The following PCDHGA1 variants were observed in gnomAD, a reference collection of about 807,000 sequenced individuals.
PCDHGA1 encodes the protein protocadherin gamma subfamily A, 1.
In PCDHGA1, 32 loss-of-function variants were observed where a neutral mutation model predicts 58.0. The observed-to-expected ratio is 0.55, with a 90% CI of 0.42 to 0.74. The LOEUF is 0.74. Among genes scored for constraint, PCDHGA1 ranks in the 30% least tolerant of loss-of-function variants. The pLI is 0.00. For missense variants in PCDHGA1, 1,205 were observed against 1,182.3 expected, an observed-to-expected ratio of 1.02 and a Z score of -0.28; for synonymous variants, 498 against 501.1, an observed-to-expected ratio of 0.99 and a Z score of 0.08.
At chr5:141,395,194 C>T (rs867640127) in intron 1 of PCDHGA1, 2 of 1,613,922 alleles carry the variant, frequency 1.2e-6, no homozygotes, top group Non-Finnish European at 1.7e-6. Context: ...TTGTTAACAT[C>T]CGTAGATTTT....
intron 1 of PCDHGA1, among the ~76,000 whole-genome samples, chr5:141,346,979 T>C (rs1295799375): frequency 1.3e-5 from 2 of 152,026 alleles, no homozygotes; most frequent in African/African-American, 4.8e-5. Context: ...CCAAGACAGG[T>C]GACACTCTTT....
chr5:141,496,083 C>T (rs1267834920), intron 2 of PCDHGA1, among the ~76,000 whole-genome samples: 8 of 151,904 alleles, frequency 5.3e-5, no homozygotes, highest in Admixed American at 3.3e-4. Flanking sequence ...CAACCCCCCA[C>T]CCACCACCCA....
intron 1 of PCDHGA1, among the ~76,000 whole-genome samples, chr5:141,386,853 G>C (rs932816835): frequency 2.0e-5 from 3 of 152,230 alleles, no homozygotes; most frequent in African/African-American, 4.8e-5. Context: ...ACTAAACTCA[G>C]TGAGCTATTG....
At chr5:141,396,792 A>G (rs2093435420) in intron 1 of PCDHGA1, among the ~76,000 whole-genome samples, 1 of 152,202 alleles carries the variant, frequency 6.6e-6, no homozygotes, top group Non-Finnish European at 1.5e-5. Flanking sequence ...GACATTTCCT[A>G]AGGATTGTGT....
chr5:141,391,780 T>C (rs1004185174), intron 1 of PCDHGA1: 1 of 152,220 alleles, frequency 6.6e-6, no homozygotes, highest in Non-Finnish European at 1.5e-5. Context: ...TAGTCATTAC[T>C]TTTTGCAGTT....
intron 1 of PCDHGA1, chr5:141,372,449 G>A (rs777753711): frequency 2.5e-6 from 4 of 1,614,064 alleles, no homozygotes; most frequent in African/African-American, 1.3e-5. Context: ...CTGACCCTCA[G>A]GCGGAGCTAC....
Position 141,331,307 on chromosome 5 carries a change from A to G in PCDHGA1, c.623A>G (p.His208Arg). Residue 208 changes from histidine to arginine, a missense_variant, in exon 1 of 4, where the codon CAC becomes CGC. Coordinates refer to ENST00000517417, the MANE Select transcript of PCDHGA1 (RefSeq NM_018912.3). ...TTAGACAGAGAAGAAGAAGCTGTCC[A>G]CCACCTCATCCTCACAGCTTCTGAT... The part of the protein sequence containing the change: ...SPLDREEEAV[H>R]HLILTASDGG... 1 of 1,614,144 alleles carries G rather than the reference A, an allele frequency of 6.2e-7. No homozygotes were observed. Among genetic ancestry groups the G allele is most frequent in the Non-Finnish European group, 8.5e-7 (1 of 1,180,038 alleles).
At chr5:141,347,137 CTCTTTCTTTCTTTCTTTCTTTCTT>C (rs70988799) in intron 1 of PCDHGA1, among the ~76,000 whole-genome samples, 10 of 113,744 alleles carry the variant, frequency 8.8e-5, no homozygotes, top group African/African-American at 2.7e-4. Context: ...CTCTGTTTCT[CTCTTTCTTTCTTTCTTTCTTTCTT>C]TCTTTCTTTC....
chr5:141,435,990 T>C (rs1175877769), intron 1 of PCDHGA1, among the ~76,000 whole-genome samples: 1 of 152,162 alleles, frequency 6.6e-6, no homozygotes, highest in Non-Finnish European at 1.5e-5. Flanking sequence ...TTGTGTGATT[T>C]TTTGAAAGAA....
chr5:141,511,713 C>T lies in PCDHGA1; in HGVS notation c.*540C>T. 5.4e-6 allele frequency: 1 copy of T among 186,446 alleles called. No individual in the cohort carries two copies. Among genetic ancestry groups the T allele is most frequent in the Admixed American group, 5.3e-5 (1 of 18,840 alleles). The allele number at this position is 186,446 out of a possible 1,614,324, so 11.5% of individuals were successfully genotyped here. ...TTGGTGCCAGCCCCTTCACCTCCTT[C>T]CAGAGCCCAAGATCAATGCTCAAGT... On this transcript the variant is annotated 3_prime_UTR_variant, in exon 4 of 4. Transcript: ENST00000517417.
intron 1 of PCDHGA1, chr5:141,370,230 C>T (rs1002647727): frequency 3.7e-5 from 22 of 587,906 alleles, no homozygotes; most frequent in African/African-American, 5.6e-5. Context: ...GCAGCCAGCT[C>T]GGAAGAAAAG....
At chr5:141,375,830 G>C in intron 1 of PCDHGA1, 1 of 1,614,152 alleles carries the variant, frequency 6.2e-7, no homozygotes, top group South Asian at 1.1e-5. Context: ...CCGCTCCGCA[G>C]AGCCCGGCTA....
chr5:141,453,870 C>A (rs932804656), intron 1 of PCDHGA1, among the ~76,000 whole-genome samples: 2 of 152,146 alleles, frequency 1.3e-5, no homozygotes, highest in African/African-American at 4.8e-5. Context: ...AACAGATGAG[C>A]AAAATAATGT....
rs753233498 is a variant in PCDHGA1, at chr5:141,364,455, G to T, written c.2421+31350G>T. 13 of 1,613,882 alleles carry T rather than the reference G, an allele frequency of 8.1e-6. No homozygotes were observed. In the South Asian group the frequency reaches 1.2e-4, roughly 15 times the overall value. ...TCGATGCCGGAGGAGCTGGACAAAG[G>T]CTCCTTCGTCGGCAACATAGCCAAG... On this transcript the variant is annotated intron_variant, in intron 1 of 3. Coordinates refer to ENST00000517417, the MANE Select transcript of PCDHGA1 (RefSeq NM_018912.3).
chr5:141,415,502 A>T, intron 1 of PCDHGA1: 1 of 1,614,204 alleles, frequency 6.2e-7, no homozygotes, highest in African/African-American at 1.3e-5. Flanking sequence ...ATCTTCCCCC[A>T]GCCCAATTAT....
intron 1 of PCDHGA1, chr5:141,427,093 G>A (rs1446677593): frequency 2.2e-6 from 1 of 458,122 alleles, no homozygotes. Flanking sequence ...CAGGATGAGG[G>A]TGTCAATGCG....
chr5:141,373,525 A>G (rs1404075299), intron 1 of PCDHGA1, among the ~76,000 whole-genome samples: 1 of 152,222 alleles, frequency 6.6e-6, no homozygotes, highest in Non-Finnish European at 1.5e-5. Flanking sequence ...TTTGTCTCCA[A>G]AAAAGTGTTT....
In PCDHGA1 at chr5:141,432,476, A is replaced by C; in HGVS notation, c.2422-62331A>C. 6.2e-7 allele frequency: 1 copy of C among 1,614,080 alleles called. No homozygotes were observed. The highest frequency in any genetic ancestry group is 8.5e-7 in the Non-Finnish European group (1 of 1,180,012). Reference sequence around the variant, plus strand: ...CCCCGCCCTCCCCACGGACGGTTCCACTGGCGTGGAGCTGGCTCCCCGCTC... The same window carrying C: ...CCCCGCCCTCCCCACGGACGGTTCCCCTGGCGTGGAGCTGGCTCCCCGCTC... On this transcript the variant is annotated intron_variant, in intron 1 of 3. Transcript: ENST00000517417. The surrounding 1 kb of genome is among the most constrained non-coding windows in gnomAD (Gnocchi z 6.0).
intron 2 of PCDHGA1, among the ~76,000 whole-genome samples, chr5:141,497,578 T>C (rs2099778035): frequency 1.3e-5 from 2 of 150,806 alleles, no homozygotes; most frequent in South Asian, 4.2e-4. Context: ...CTTGCTCTGT[T>C]GCCCAAGCTG....
Sources: gnomAD v4.1 joint callset for allele counts (sites outside exome capture counted in the v4.1 genomes callset) on GRCh38, gnomAD v4.1.1 for gene constraint, Gnocchi (gnomAD v3.1) non-coding constraint, MANE v1.5 for transcripts, NCBI Gene and HGNC (gene_info 2026-07-23, HGNC 2026-07-21) for gene names.